REV3L: variants seen among roughly 807,000 people sequenced by gnomAD.
The protein encoded by REV3L is REV3 like, DNA directed polymerase zeta catalytic subunit, also known as DNA polymerase zeta catalytic subunit.
A neutral mutation model predicts 299.4 loss-of-function variants in REV3L; 69 were observed. That is an observed-to-expected ratio of 0.23 (90% CI 0.19 to 0.28). REV3L has a LOEUF of 0.28. Among genes scored for constraint, REV3L ranks in the 10% least tolerant of loss-of-function variants. The probability of loss-of-function intolerance (pLI) is 1.00; values close to 1 mark genes in which losing one functional copy is unlikely to be tolerated. For synonymous variants in REV3L, 1,238 were observed against 1,271.4 expected, an observed-to-expected ratio of 0.97 and a Z score of 0.56; for missense variants, 3,128 against 3,693.8, an observed-to-expected ratio of 0.85 and a Z score of 3.97.
intron 20 of REV3L, among the ~76,000 whole-genome samples, chr6:111,347,125 C>T (rs1163864924): frequency 6.6e-6 from 1 of 151,962 alleles, no homozygotes; most frequent in African/African-American, 2.4e-5. Flanking sequence ...CAAAAATTAG[C>T]CAGGTGTGGT....
intron 1 of REV3L, among the ~76,000 whole-genome samples, chr6:111,418,866 T>G (rs1194102694): frequency 6.6e-6 from 1 of 152,206 alleles, no homozygotes; most frequent in African/African-American, 2.4e-5. Flanking sequence ...ACACATGGTA[T>G]GTGCTTAACA....
rs1780238196 is a variant in REV3L, at chr6:111,375,739, T to C, written c.2616A>G (p.Ala872=). ...PCNSNPEKDN[A]LASDLTKTTR... ...TGGTTTTAGTTAAATCACTAGCCAA[T>C]GCATTATCCTTCTCAGGATTACTAT... is the stretch of plus-strand genomic sequence containing the variant. The change falls in exon 13 of 32, where the codon GCA becomes GCG. Residue 872 remains alanine (A), a synonymous_variant. Transcript: ENST00000368802. 3 of 1,613,604 alleles carry C rather than the reference T, an allele frequency of 1.9e-6. No homozygotes were observed. The highest frequency in any genetic ancestry group is 3.3e-5 in the Admixed American group (2 of 60,004).
intron 31 of REV3L, among the ~76,000 whole-genome samples, chr6:111,305,620 A>G (rs1280316870): frequency 6.6e-6 from 1 of 152,034 alleles, no homozygotes; most frequent in South Asian, 2.1e-4. Flanking sequence ...AATAAATAAA[A>G]AGAAAAAAAG....
At chr6:111,393,148 C>T (rs982250688) in intron 4 of REV3L, among the ~76,000 whole-genome samples, 176 bp from the exon 5 acceptor site, 4 of 151,992 alleles carry the variant, frequency 2.6e-5, no homozygotes, top group Non-Finnish European at 5.9e-5. Flanking sequence ...CGCCATTCTC[C>T]TGCCACAGTC....
chr6:111,418,304 T>A (rs1784975857), intron 1 of REV3L, among the ~76,000 whole-genome samples: 2 of 152,226 alleles, frequency 1.3e-5, no homozygotes. Flanking sequence ...TATATCTCAA[T>A]AATGGAATTT....
intron 1 of REV3L, among the ~76,000 whole-genome samples, chr6:111,479,148 T>C (rs1322561635): frequency 1.3e-5 from 2 of 152,234 alleles, no homozygotes; most frequent in Non-Finnish European, 2.9e-5. Context: ...ATTTCATTTG[T>C]AGTGAATCCT....
chr6:111,390,470 G>C (rs765231708), intron 5 of REV3L, among the ~76,000 whole-genome samples: 1 of 151,926 alleles, frequency 6.6e-6, no homozygotes, highest in Non-Finnish European at 1.5e-5. Context: ...TTAGCATATG[G>C]TTATACCCGG....
At chr6:111,441,886 T>C (rs1788302568) in intron 1 of REV3L, among the ~76,000 whole-genome samples, 1 of 152,066 alleles carries the variant, frequency 6.6e-6, no homozygotes, top group Non-Finnish European at 1.5e-5. Flanking sequence ...TGATGTGGGG[T>C]ATGGGGAGAA....
At position 111,375,483 on chromosome 6, in the gene REV3L, T is replaced by C; in HGVS notation, c.2872A>G (p.Thr958Ala). 1 of 1,605,218 alleles carries C rather than the reference T, an allele frequency of 6.2e-7. No individual in the cohort carries two copies. Among genetic ancestry groups the C allele is most frequent in the Non-Finnish European group, 8.5e-7 (1 of 1,177,834 alleles). The change falls in exon 13 of 32, where the codon ACT becomes GCT. Residue 958 changes from threonine to alanine, a missense_variant. Physicochemically the swap from Thr to Ala is moderately conservative, Grantham distance 58. Transcript: ENST00000368802. ...PMEIGESLDG[T>A]LKSRKRRKMS... ...TTTCTTCGTTTTCGGGATTTGAGAG[T>C]TCCATCTAAACTTTCACCAATTTCC... is the stretch of plus-strand genomic sequence containing the variant.
intron 25 of REV3L, among the ~76,000 whole-genome samples, chr6:111,326,611 C>G (rs544750405): frequency 1.3e-5 from 2 of 148,450 alleles, no homozygotes; most frequent in African/African-American, 4.9e-5. Flanking sequence ...ATATACCCCC[C>G]CCAAAAAAAA....
At chr6:111,378,373 T>G (rs1380762564) in intron 11 of REV3L, among the ~76,000 whole-genome samples, 1 of 152,216 alleles carries the variant, frequency 6.6e-6, no homozygotes, top group African/African-American at 2.4e-5. Context: ...GGCAAACTTT[T>G]TTCCTATCCA....
At chr6:111,455,164 G>A (rs958108925) in intron 1 of REV3L, among the ~76,000 whole-genome samples, 6 of 152,188 alleles carry the variant, frequency 3.9e-5, no homozygotes, top group East Asian at 1.9e-4. Context: ...GGACTGATAT[G>A]ACTAAGGGTA....
chr6:111,307,860 T>A (rs924690215), intron 30 of REV3L: 1 of 345,816 alleles, frequency 2.9e-6, no homozygotes, highest in African/African-American at 2.1e-5. Flanking sequence ...TATGTATACA[T>A]GTGCCATGTT....
intron 15 of REV3L, 129 bp from the exon 16 acceptor site, chr6:111,364,107 T>A: frequency 8.0e-7 from 1 of 1,244,074 alleles, no homozygotes; most frequent in Non-Finnish European, 1.1e-6. Flanking sequence ...ATATCATCTC[T>A]AAGTTCAAGA....
At chr6:111,305,382 A>G (rs1165249004) in intron 31 of REV3L, among the ~76,000 whole-genome samples, 3 of 152,038 alleles carry the variant, frequency 2.0e-5, no homozygotes, top group Non-Finnish European at 2.9e-5. Context: ...CTTGAGTCCA[A>G]CAGTTTGAGA....
upstream of REV3L, chr6:111,483,599 C>G (rs764181754): frequency 4.4e-6 from 2 of 452,678 alleles, no homozygotes; most frequent in Non-Finnish European, 8.7e-6. Flanking sequence ...TCACACTTGC[C>G]TCGCCGACCG....
chr6:111,330,854 A>G (rs1263818909), intron 24 of REV3L: 1 of 336,094 alleles, frequency 3.0e-6, no homozygotes, highest in Non-Finnish European at 4.2e-6. Context: ...TACATTTTAA[A>G]ATTTTCCAAA....
chr6:111,398,968 A>C (rs1782805237), intron 4 of REV3L, among the ~76,000 whole-genome samples: 1 of 152,180 alleles, frequency 6.6e-6, no homozygotes, highest in Non-Finnish European at 1.5e-5. Context: ...TTACTTTTGC[A>C]ACAACCTAAT....
At chr6:111,391,000 T>G (rs1325305797) in intron 5 of REV3L, among the ~76,000 whole-genome samples, 1 of 151,504 alleles carries the variant, frequency 6.6e-6, no homozygotes, top group African/African-American at 2.4e-5. Flanking sequence ...AAAGGGGAGA[T>G]CCTTAATTTT....
Sources: gnomAD v4.1 joint callset for allele counts (sites outside exome capture counted in the v4.1 genomes callset) on GRCh38, gnomAD v4.1.1 for gene constraint, MANE v1.5 for transcripts, NCBI Gene and HGNC (gene_info 2026-07-23, HGNC 2026-07-21) for gene names.